The following TP63 variants were observed in gnomAD, a reference collection of about 807,000 sequenced individuals.
TP63 encodes tumor protein p63, also known as tumor protein 63.
A neutral mutation model predicts 82.8 loss-of-function variants in TP63; 17 were observed. That is an observed-to-expected ratio of 0.21 (90% CI 0.14 to 0.31). TP63 has a LOEUF of 0.31. TP63 is among the 10% of genes least tolerant of loss of function. The probability of loss-of-function intolerance (pLI) is 1.00; values close to 1 mark genes in which losing one functional copy is unlikely to be tolerated. For synonymous variants in TP63, 330 were observed against 321.7 expected, an observed-to-expected ratio of 1.03 and a Z score of -0.28; for missense variants, 648 against 895.3, an observed-to-expected ratio of 0.72 and a Z score of 3.52.
chr3:189,815,984 A>G lies in TP63; in HGVS notation c.579+7458A>G, dbSNP rs374359793. On this transcript the variant is annotated intron_variant, in intron 4 of 13. Transcript: ENST00000264731. Reference sequence around the variant, plus strand: ...TTTTATATTTTAAAAATCTAATGGCATGCAGGATTGGATACTTGGAAGTTT... The same window carrying G: ...TTTTATATTTTAAAAATCTAATGGCGTGCAGGATTGGATACTTGGAAGTTT... Among the ~76,000 whole-genome samples, 33 of 152,298 alleles carry G rather than the reference A, an allele frequency of 2.2e-4. 1 individual carries two copies. In the Middle Eastern group the frequency reaches 0.014, roughly 63 times the overall value.
chr3:189,894,395 C>G lies in TP63; in HGVS notation c.1936C>G (p.Leu646Val), dbSNP rs1721315098. Residue 646 changes from leucine (L) to valine (V), a missense_variant, in exon 14 of 14, where the codon CTC becomes GTC. Leu to Val is a conservative substitution (Grantham distance 32). This residue lies in a region of TP63 where 342 missense variants were observed against 425.7 expected (regional missense o/e 0.80). Transcript: ENST00000264731. ...TGTTATTGATGCTGTGCGATTCACCCTCCGCCAGACCATCTCTTTCCCACC... is the reference window on the plus strand; with the variant it reads ...TGTTATTGATGCTGTGCGATTCACCGTCCGCCAGACCATCTCTTTCCCACC... ...ERVIDAVRFT[L>V]RQTISFPPRD... The G allele has an allele frequency of 1.2e-6, 2 of 1,613,934 alleles. No homozygotes were observed. Among genetic ancestry groups the G allele is most frequent in the African/African-American group, 1.3e-5 (1 of 74,890 alleles).
intron 3 of TP63, among the ~76,000 whole-genome samples, chr3:189,756,402 T>G (rs62279911): frequency 0.16 from 24,387 of 152,182 alleles, 2,111 homozygotes; most frequent in East Asian, 0.33. Flanking sequence ...CTCTGTTCTG[T>G]TCTTTGTACA....
chr3:189,653,617 AG>A (rs2108640204), intron 1 of TP63, among the ~76,000 whole-genome samples: 1 of 152,316 alleles, frequency 6.6e-6, no homozygotes, highest in African/African-American at 2.4e-5. Flanking sequence ...TTCAAATTTT[AG>A]TACCTGCTTT....
At chr3:189,725,883 A>G (rs943691296) in intron 1 of TP63, among the ~76,000 whole-genome samples, 19 of 152,134 alleles carry the variant, frequency 1.2e-4, no homozygotes, top group African/African-American at 4.1e-4. Context: ...GTGAAACCCC[A>G]TCTCTACTAA....
intron 1 of TP63, among the ~76,000 whole-genome samples, chr3:189,732,524 G>C (rs1248746220): frequency 6.6e-6 from 1 of 152,182 alleles, no homozygotes; most frequent in Non-Finnish European, 1.5e-5. Context: ...GTATGTCCTG[G>C]ATGCAAACGA....
chr3:189,685,072 AGAC>A (rs1314236915), intron 1 of TP63, among the ~76,000 whole-genome samples: 36 of 152,216 alleles, frequency 2.4e-4, no homozygotes, highest in African/African-American at 8.2e-4. Flanking sequence ...AAATGAGAAT[AGAC>A]AAATAGAATG....
intron 3 of TP63, among the ~76,000 whole-genome samples, chr3:189,795,888 C>T (rs780958614): frequency 2.0e-5 from 3 of 151,980 alleles, no homozygotes; most frequent in African/African-American, 4.8e-5. Context: ...TACCTTTTCC[C>T]GTTCCTTAGA....
Position 189,880,126 on chromosome 3 carries a change from C to A in TP63, c.1350-6268C>A, listed in dbSNP as rs1320814989. The A allele has an allele frequency of 1.9e-6, 3 of 1,613,928 alleles. No homozygotes were observed. In the East Asian group the frequency reaches 6.7e-5, roughly 36 times the overall value. On this transcript the variant is annotated intron_variant, in intron 10 of 13. Transcript: ENST00000264731. ...CCCCGGAGAGAAACTCCAAAACAAT[C>A]TGACGTCTTCTTTAGACATTCCAAG...
chr3:189,774,276 A>G (rs1723611459), intron 3 of TP63, among the ~76,000 whole-genome samples: 1 of 152,314 alleles, frequency 6.6e-6, no homozygotes, highest in Admixed American at 6.5e-5. Flanking sequence ...CAAAAACAAA[A>G]ACAAAAAAAC....
At chr3:189,846,592 G>A (rs1033888120) in intron 4 of TP63, among the ~76,000 whole-genome samples, 1 of 140,824 alleles carries the variant, frequency 7.1e-6, no homozygotes, top group Non-Finnish European at 1.5e-5. Context: ...ATACATATAT[G>A]ATCAGAAATG....
chr3:189,840,362 T>TTTTTTTTTTTTTTTTTTTTTTTTTC (rs1713862444), intron 4 of TP63, among the ~76,000 whole-genome samples: 1 of 92,934 alleles, frequency 1.1e-5, no homozygotes, highest in Non-Finnish European at 2.2e-5. Flanking sequence ...TTTTCGTCTT[T>TTTTTTTTTTTTTTTTTTTTTTTTTC]TTTTTTTTTT....
chr3:189,698,357 C>T (rs1054590234), intron 1 of TP63, among the ~76,000 whole-genome samples: 1 of 152,034 alleles, frequency 6.6e-6, no homozygotes, highest in African/African-American at 2.4e-5. Context: ...TGAAATGTCA[C>T]TAGAAATTCA....
chr3:189,641,402 C>T (rs1427203658), intron 1 of TP63, among the ~76,000 whole-genome samples: 2 of 152,042 alleles, frequency 1.3e-5, no homozygotes, highest in Non-Finnish European at 2.9e-5. Context: ...GTAATTGTGA[C>T]TTGCTACTAC....
chr3:189,867,667 C>G (rs1241917866), intron 6 of TP63, among the ~76,000 whole-genome samples, 166 bp from the exon 7 acceptor site: 4 of 152,198 alleles, frequency 2.6e-5, no homozygotes, highest in Admixed American at 2.6e-4. Flanking sequence ...AGCTTCCCCG[C>G]AGGCAAGATG....
At chr3:189,695,056 C>T (rs1258568175) in intron 1 of TP63, among the ~76,000 whole-genome samples, 1 of 151,904 alleles carries the variant, frequency 6.6e-6, no homozygotes, top group Non-Finnish European at 1.5e-5. Flanking sequence ...CCCACCTTGA[C>T]AGCCTATTCT....
chr3:189,711,400 C>T lies in TP63; in HGVS notation c.63-26340C>T, dbSNP rs1365832491. Among the ~76,000 whole-genome samples the T allele has an allele frequency of 2.0e-5, 3 of 152,138 alleles. No individual in the cohort carries two copies. In the East Asian group the frequency reaches 5.8e-4, roughly 29 times the overall value. Reference sequence around the variant, plus strand: ...TATATTTTTGTGTTTACAATGACAACATTAGTAAGACAAGGCTGCTAATAC... The same window carrying T: ...TATATTTTTGTGTTTACAATGACAATATTAGTAAGACAAGGCTGCTAATAC... On this transcript the variant is annotated intron_variant, in intron 1 of 13. Transcript: ENST00000264731.
chr3:189,617,342 G>A, the TP63 span, among the ~76,000 whole-genome samples: 1 of 152,132 alleles, frequency 6.6e-6, no homozygotes, highest in Non-Finnish European at 1.5e-5. Flanking sequence ...CTATAAATGG[G>A]TATTTTTGTA....
the TP63 span, among the ~76,000 whole-genome samples, chr3:189,616,675 G>T: frequency 6.6e-6 from 1 of 152,194 alleles, no homozygotes; most frequent in East Asian, 1.9e-4. Context: ...GTTGACTTAT[G>T]CTTGGTTGAT....
At chr3:189,725,847 A>G (rs1279288473) in intron 1 of TP63, among the ~76,000 whole-genome samples, 1 of 152,162 alleles carries the variant, frequency 6.6e-6, no homozygotes, top group Non-Finnish European at 1.5e-5. Context: ...TGAGATCAGG[A>G]GCTGGAGATC....
Sources: allele counts gnomAD v4.1 joint callset (sites outside exome capture counted in the v4.1 genomes callset), GRCh38; gene constraint gnomAD v4.1.1; regional missense constraint gnomAD v4.1.1; transcripts MANE v1.5; gene names NCBI Gene and HGNC (gene_info 2026-07-23, HGNC 2026-07-21).